The following SLC9A9 variants were observed in gnomAD, a reference collection of about 807,000 sequenced individuals.
SLC9A9 encodes sodium/hydrogen exchanger 9.
In SLC9A9, 62 loss-of-function variants were observed where a neutral mutation model predicts 77.8. The observed-to-expected ratio is 0.80, with a 90% CI of 0.65 to 0.98. SLC9A9 has a LOEUF of 0.98. Ranked by LOEUF, SLC9A9 falls within the 50% of genes least tolerant of loss-of-function variation. The pLI, the probability that SLC9A9 is intolerant of heterozygous loss-of-function variation, is 0.00. For missense variants in SLC9A9, 775 were observed against 774.9 expected (o/e 1.00, Z 0.00); for synonymous variants, 320 against 283.5 (o/e 1.13, Z -1.29).
At chr3:143,589,576 G>T (rs2037613983) in intron 6 of SLC9A9, among the ~76,000 whole-genome samples, 1 of 152,170 alleles carries the variant, frequency 6.6e-6, no homozygotes, top group African/African-American at 2.4e-5. Context: ...TAACCTAGCT[G>T]TGTAGTAGGT....
At chr3:143,759,869 T>A (rs6786312) in intron 4 of SLC9A9, among the ~76,000 whole-genome samples, 51,446 of 151,598 alleles carry the variant, frequency 0.34, 9,019 homozygotes, top group African/African-American at 0.42. Flanking sequence ...AACAATACTG[T>A]ACGCACAAGC....
At chr3:143,798,562 C>A (rs1193714703) in intron 2 of SLC9A9, among the ~76,000 whole-genome samples, 3 of 152,184 alleles carry the variant, frequency 2.0e-5, no homozygotes, top group Non-Finnish European at 4.4e-5. Context: ...TTCTCAAGAA[C>A]TTAAAACCTC....
intron 6 of SLC9A9, among the ~76,000 whole-genome samples, chr3:143,580,042 C>T (rs537584115): frequency 2.6e-5 from 4 of 152,212 alleles, no homozygotes; most frequent in East Asian, 1.9e-4. Flanking sequence ...GAAATGTATG[C>T]GAGAAAAGGA....
At chr3:143,470,169 T>C (rs1284509132) in intron 11 of SLC9A9, among the ~76,000 whole-genome samples, 1 of 152,082 alleles carries the variant, frequency 6.6e-6, no homozygotes, top group Non-Finnish European at 1.5e-5. Flanking sequence ...AGTACAAGAT[T>C]GGAGATAGAA....
chr3:143,587,962 A>G lies in SLC9A9; in HGVS notation c.756-9239T>C, dbSNP rs375697646. Among the ~76,000 whole-genome samples, 9 of 152,234 alleles carry G rather than the reference A, an allele frequency of 5.9e-5. No homozygotes were observed. The East Asian group carries it at 1.7e-3, about 29-fold the overall frequency. On this transcript the variant is annotated intron_variant, in intron 6 of 15. Coordinates refer to ENST00000316549, the MANE Select transcript of SLC9A9 (RefSeq NM_173653.4). ...GTGAGCATTTGAAAGGTGGTTGTGC[A>G]GAGGAAGGACTGGACTCATTCTTTG... is the stretch of plus-strand genomic sequence containing the variant.
At chr3:143,809,763 T>C (rs1216797481) in intron 2 of SLC9A9, among the ~76,000 whole-genome samples, 1 of 152,220 alleles carries the variant, frequency 6.6e-6, no homozygotes, top group Non-Finnish European at 1.5e-5. Flanking sequence ...TTTGTGATGG[T>C]GGAAATGTTC....
chr3:143,798,673 C>T (rs370340318), intron 2 of SLC9A9, among the ~76,000 whole-genome samples: 9 of 152,278 alleles, frequency 5.9e-5, no homozygotes, highest in East Asian at 3.9e-4. Context: ...AGCCAGAAAA[C>T]GGCACTTTCA....
intron 4 of SLC9A9, among the ~76,000 whole-genome samples, chr3:143,700,952 A>G (rs955251918): frequency 2.0e-5 from 3 of 152,236 alleles, no homozygotes; most frequent in Non-Finnish European, 4.4e-5. Flanking sequence ...GGCAGCTTAG[A>G]ACAGAGCAAG....
intron 2 of SLC9A9, among the ~76,000 whole-genome samples, chr3:143,804,107 C>A (rs778601276): frequency 6.6e-6 from 1 of 152,202 alleles, no homozygotes; most frequent in Non-Finnish European, 1.5e-5. Context: ...GGTAACCTTT[C>A]ACCTTCTCGA....
intron 6 of SLC9A9, among the ~76,000 whole-genome samples, chr3:143,590,347 C>T (rs1202017658): frequency 6.6e-6 from 1 of 152,166 alleles, no homozygotes; most frequent in Non-Finnish European, 1.5e-5. Context: ...GTTATTATTG[C>T]TATTTGCATT....
intron 6 of SLC9A9, among the ~76,000 whole-genome samples, chr3:143,617,165 A>G (rs908117474): frequency 6.6e-6 from 1 of 152,242 alleles, no homozygotes; most frequent in Non-Finnish European, 1.5e-5. Flanking sequence ...AGAATCTATC[A>G]TCACGTGGAG....
At chr3:143,435,987 A>G (rs1027201701) in intron 12 of SLC9A9, among the ~76,000 whole-genome samples, 2 of 152,114 alleles carry the variant, frequency 1.3e-5, no homozygotes, top group Admixed American at 6.5e-5. Flanking sequence ...AGACACAACA[A>G]TCCTTTACCC....
At chr3:143,700,146 T>A (rs993654261) in intron 4 of SLC9A9, among the ~76,000 whole-genome samples, 1 of 151,850 alleles carries the variant, frequency 6.6e-6, no homozygotes, top group Non-Finnish European at 1.5e-5. Flanking sequence ...CATCATCTGC[T>A]GACCAAAGAG....
At chr3:143,420,733 G>A (rs1423945726) in intron 12 of SLC9A9, among the ~76,000 whole-genome samples, 1 of 152,178 alleles carries the variant, frequency 6.6e-6, no homozygotes, top group Non-Finnish European at 1.5e-5. Flanking sequence ...TGCCCTGGGA[G>A]CTTGGTGGTA....
chr3:143,638,976 C>T (rs2038575392), intron 6 of SLC9A9, among the ~76,000 whole-genome samples: 1 of 152,106 alleles, frequency 6.6e-6, no homozygotes, highest in African/African-American at 2.4e-5. Context: ...TGATTTGGCC[C>T]CTTGTTCTCT....
At chr3:143,318,111 C>T (rs971677523) in intron 14 of SLC9A9, among the ~76,000 whole-genome samples, 1 of 152,194 alleles carries the variant, frequency 6.6e-6, no homozygotes, top group Non-Finnish European at 1.5e-5. Context: ...TTATAACCAC[C>T]AGCAGTGGGG....
At chr3:143,727,495 A>G (rs986284655) in intron 4 of SLC9A9, among the ~76,000 whole-genome samples, 1 of 152,156 alleles carries the variant, frequency 6.6e-6, no homozygotes, top group Non-Finnish European at 1.5e-5. Flanking sequence ...ACATTAGCCT[A>G]TGAGAACCAA....
At chr3:143,698,656 A>C (rs13059265) in intron 4 of SLC9A9, among the ~76,000 whole-genome samples, 124,329 of 152,204 alleles carry the variant, frequency 0.82, 50,894 homozygotes, top group East Asian at 0.88. Flanking sequence ...AAATATAGTA[A>C]CTTAATCTCA....
intron 8 of SLC9A9, among the ~76,000 whole-genome samples, chr3:143,564,301 G>T (rs975684667): frequency 6.6e-6 from 1 of 152,130 alleles, no homozygotes; most frequent in Non-Finnish European, 1.5e-5. Flanking sequence ...ATAAGTGTCT[G>T]TCACATGAAG....
Sources: gnomAD v4.1 joint callset for allele counts (sites outside exome capture counted in the v4.1 genomes callset) on GRCh38, gnomAD v4.1.1 for gene constraint, MANE v1.5 for transcripts, NCBI Gene and HGNC (gene_info 2026-07-23, HGNC 2026-07-21) for gene names.